LANCL2: variants seen among roughly 807,000 people sequenced by gnomAD.
LANCL2 encodes lanC-like protein 2.
A neutral mutation model predicts 56.9 loss-of-function variants in LANCL2; 33 were observed. The ratio of observed to expected loss-of-function variants is 0.58; its 90% CI spans 0.44 to 0.78. The LOEUF (loss-of-function observed/expected upper bound fraction) is 0.78. LANCL2 is among the 30% of genes least tolerant of loss of function. The pLI is 0.00. For synonymous variants in LANCL2, 233 were observed against 228.2 expected (o/e 1.02, Z -0.19); for missense variants, 562 against 580.2 (o/e 0.97, Z 0.32).
rs372359047 is a variant in LANCL2, at chr7:55,431,307, C to T, written c.1340C>T (p.Ser447Leu). The change falls in exon 9 of 9, where the codon TCG (serine) becomes TTG (leucine). Residue 447 changes from serine (S) to leucine (L), a missense_variant. By Grantham distance (145) the Ser-to-Leu change is moderately radical. Coordinates refer to ENST00000254770, the MANE Select transcript of LANCL2 (RefSeq NM_018697.4). ...SRFPAFELDS[S>L]KRD ...TTTCCAGCATTTGAACTTGACTCTT[C>T]GAAGAGGGATTAAAAGGTGCAAAAA... The T allele has an allele frequency of 2.9e-5, 46 of 1,613,018 alleles. No homozygotes were observed. The highest frequency in any genetic ancestry group is 1.7e-4 in the Middle Eastern group (1 of 6,052).
At chr7:55,406,215 A>G (rs1177160197) in intron 5 of LANCL2, among the ~76,000 whole-genome samples, 1 of 152,178 alleles carries the variant, frequency 6.6e-6, no homozygotes, top group Non-Finnish European at 1.5e-5. Context: ...CCATGTTCAG[A>G]AAATGGTGGC....
intron 1 of LANCL2, among the ~76,000 whole-genome samples, chr7:55,373,458 T>C (rs1329979374): frequency 6.6e-6 from 1 of 151,836 alleles, no homozygotes. Context: ...ACCCAGCTAA[T>C]TTTTAAATTT....
Position 55,366,084 on chromosome 7 carries a change from A to G in LANCL2, c.59A>G (p.Glu20Gly). The change falls in exon 1 of 9, where the codon GAG becomes GGG. Residue 20 changes from glutamate (E) to glycine (G), a missense_variant. By Grantham distance (98) the Glu-to-Gly change is moderately conservative. Around this residue, in one of 2 missense-constraint regions of LANCL2, gnomAD observed 184 missense variants for 111.8 expected, o/e 1.65. Coordinates refer to ENST00000254770, the MANE Select transcript of LANCL2 (RefSeq NM_018697.4). The stretch of plus-strand genomic sequence containing the variant: ...CACCTGGGAGGGGAGGCAGAAATGG[A>G]GGAACGGGCGTTCGTCAACCCCTTC... ...KLHLGGEAEM[E>G]ERAFVNPFPD... is the part of the protein sequence containing the mutation. The G allele has an allele frequency of 6.5e-7, 1 of 1,535,718 alleles. No individual in the cohort carries two copies. Among genetic ancestry groups the G allele is most frequent in the Non-Finnish European group, 8.8e-7 (1 of 1,137,538 alleles).
At chr7:55,385,432 G>A (rs923584781) in intron 1 of LANCL2, among the ~76,000 whole-genome samples, 1 of 152,120 alleles carries the variant, frequency 6.6e-6, no homozygotes, top group Non-Finnish European at 1.5e-5. Flanking sequence ...CCTAAGCGTC[G>A]ACTGGCTTTA....
intron 1 of LANCL2, among the ~76,000 whole-genome samples, chr7:55,387,832 A>C (rs1458663481): frequency 1.3e-5 from 2 of 152,174 alleles, no homozygotes; most frequent in African/African-American, 4.8e-5. Flanking sequence ...TTAAGATAAT[A>C]ATTTACCATA....
At chr7:55,417,200 C>CT (rs1383917775) in intron 6 of LANCL2, among the ~76,000 whole-genome samples, 2 of 151,886 alleles carry the variant, frequency 1.3e-5, no homozygotes, top group Non-Finnish European at 2.9e-5. Flanking sequence ...GGGATGGTCT[C>CT]TATCTCCTAA....
At chr7:55,424,111 A>G (rs1790637240) in intron 6 of LANCL2, among the ~76,000 whole-genome samples, 1 of 152,162 alleles carries the variant, frequency 6.6e-6, no homozygotes, top group African/African-American at 2.4e-5. Context: ...CCTCTGATTC[A>G]TTGTCCAAAA....
intron 2 of LANCL2, chr7:55,396,889 T>C (rs1347702122): frequency 6.6e-6 from 1 of 152,242 alleles, no homozygotes. Flanking sequence ...GTTTGAAATT[T>C]GTAAGTATTT....
chr7:55,402,147 C>A (rs62457869), intron 5 of LANCL2, among the ~76,000 whole-genome samples: 1 of 139,078 alleles, frequency 7.2e-6, no homozygotes, highest in African/African-American at 2.6e-5. Context: ...ACCTCCCGGA[C>A]GGGGCGGCTG....
At chr7:55,386,984 T>C (rs577624959) in intron 1 of LANCL2, among the ~76,000 whole-genome samples, 7 of 152,318 alleles carry the variant, frequency 4.6e-5, no homozygotes, top group East Asian at 1.9e-4. Flanking sequence ...GAGATTGTTA[T>C]GCAATTTGCA....
At chr7:55,405,893 G>C (rs190668974) in intron 5 of LANCL2, among the ~76,000 whole-genome samples, 3 of 39,364 alleles carry the variant, frequency 7.6e-5, no homozygotes, top group Non-Finnish European at 1.5e-4. Context: ...AGGCAGTGGC[G>C]TGGTAGAGCC....
At chr7:55,391,567 T>G (rs1029780038) in intron 1 of LANCL2, among the ~76,000 whole-genome samples, 1 of 152,146 alleles carries the variant, frequency 6.6e-6, no homozygotes, top group African/African-American at 2.4e-5. Context: ...AGTTGTTTGT[T>G]GTTTTTTGTG....
chr7:55,374,617 T>C (rs1562856212), intron 1 of LANCL2, among the ~76,000 whole-genome samples: 2 of 152,214 alleles, frequency 1.3e-5, no homozygotes, highest in African/African-American at 2.4e-5. Context: ...GTTTTATTCA[T>C]TTTGTTTGCA....
intron 1 of LANCL2, among the ~76,000 whole-genome samples, chr7:55,377,194 C>A (rs1790013192): frequency 6.6e-6 from 1 of 152,096 alleles, no homozygotes. Context: ...TATGAACATA[C>A]TGAACCCATA....
intron 8 of LANCL2, among the ~76,000 whole-genome samples, chr7:55,430,525 T>G (rs1239181803): frequency 2.0e-5 from 3 of 152,234 alleles, no homozygotes; most frequent in Admixed American, 1.3e-4. Context: ...GATGGAAATA[T>G]TCCAGGTCTT....
chr7:55,398,948 A>C lies in LANCL2; in HGVS notation c.530+318A>C, dbSNP rs982057306. On this transcript the variant is annotated intron_variant, in intron 3 of 8. Transcript: ENST00000254770. ...TAATAACTAAACTGATGTTAGGTTC[A>C]ACCCTTAAGTAACTGATTAGATATG... is the stretch of plus-strand genomic sequence containing the variant. Among the ~76,000 whole-genome samples the C allele has an allele frequency of 2.0e-5, 3 of 152,232 alleles. No homozygotes were observed. The East Asian group carries it at 5.8e-4, about 29-fold the overall frequency.
rs144529222 is a variant in LANCL2 at position 55,413,377 on chromosome 7, CT to C, written c.1008+1293del. On this transcript the variant is annotated intron_variant, in intron 6 of 8. Transcript: ENST00000254770. ...TATAATTGCTAAAATGTGGAAGCTC[CT>C]TTTTGTCAAACTCCTTTTCCCTTCA... 4.2e-3 allele frequency among the ~76,000 whole-genome samples: 645 copies of C among 152,298 alleles called. 8 individuals are homozygous for C. The highest frequency in any genetic ancestry group is 0.015 in the African/African-American group (628 of 41,560).
chr7:55,401,414 A>G (rs1790323622), intron 5 of LANCL2, 94 bp downstream of exon 5: 7 of 1,123,642 alleles, frequency 6.2e-6, no homozygotes, highest in Non-Finnish European at 5.1e-6. Flanking sequence ...CTGGATTGAA[A>G]TACCCTACTT....
At chr7:55,404,414 C>T in intron 5 of LANCL2, among the ~76,000 whole-genome samples, 1 of 152,078 alleles carries the variant, frequency 6.6e-6, no homozygotes. Flanking sequence ...ACTGGAAAAC[C>T]TATATATTAC....
Sources: allele counts gnomAD v4.1 joint callset (sites outside exome capture counted in the v4.1 genomes callset), GRCh38; gene constraint gnomAD v4.1.1; regional missense constraint gnomAD v4.1.1; transcripts MANE v1.5; gene names NCBI Gene and HGNC (gene_info 2026-07-23, HGNC 2026-07-21).